The following CHST11 variants were observed in gnomAD, a reference collection of about 807,000 sequenced individuals.
The protein encoded by CHST11 is C4S-1.
CHST11 carries 9 observed loss-of-function variants against 30.4 expected under a neutral mutation model. The ratio of observed to expected loss-of-function variants is 0.30; its 90% CI spans 0.18 to 0.52. CHST11 has a LOEUF of 0.52. Ranked by LOEUF, CHST11 falls within the 20% of genes least tolerant of loss-of-function variation. The pLI, the probability that CHST11 is intolerant of heterozygous loss-of-function variation, is 0.97. For missense variants in CHST11, 348 were observed against 460.6 expected, an observed-to-expected ratio of 0.76 and a Z score of 2.24; for synonymous variants, 152 against 187.8, an observed-to-expected ratio of 0.81 and a Z score of 1.56.
chr12:104,696,482 C>CAAAAAAAAAAAAAAAAAAAA (rs10602668), intron 2 of CHST11, among the ~76,000 whole-genome samples: 2 of 69,140 alleles, frequency 2.9e-5, no homozygotes, highest in Admixed American at 2.1e-4. Context: ...GCTAAAAATA[C>CAAAAAAAAAAAAAAAAAAAA]AAAAAAAAAA....
chr12:104,710,374 C>A (rs1481937099), intron 2 of CHST11, among the ~76,000 whole-genome samples: 6 of 152,180 alleles, frequency 3.9e-5, no homozygotes, highest in Non-Finnish European at 7.3e-5. Context: ...ACATTCCCAG[C>A]AGGCTCTTTT....
chr12:104,665,817 T>C (rs901264793), intron 2 of CHST11, among the ~76,000 whole-genome samples: 3 of 122,796 alleles, frequency 2.4e-5, no homozygotes, highest in Admixed American at 7.9e-5. Flanking sequence ...TGTCTCTTTT[T>C]TTTTTTTTTT....
At position 104,605,141 on chromosome 12, in the gene CHST11, C is replaced by T. The variant is rs528839779; in HGVS notation, c.204+3150C>T. Among the ~76,000 whole-genome samples the T allele has an allele frequency of 8.5e-4, 112 of 131,066 alleles. 1 individual carries two copies. The highest frequency in any genetic ancestry group is 3.2e-3 in the African/African-American group (108 of 33,710). 86.0% of individuals were successfully genotyped at this position (131,066 alleles called of 152,430 possible). A position where few individuals can be genotyped will look rare whatever the true frequency, so the allele number is the denominator to read the frequency against. ...AAAGTTCTCTTGGTGGGAGTTACCC[C>T]ATCCCCTCTCCAAAAAAAAAAAAAA... On this transcript the variant is annotated intron_variant, in intron 2 of 2. Transcript: ENST00000303694.
intron 1 of CHST11, among the ~76,000 whole-genome samples, chr12:104,562,075 C>T (rs1270675153): frequency 2.6e-5 from 4 of 152,100 alleles, no homozygotes; most frequent in Non-Finnish European, 5.9e-5. Flanking sequence ...AGTTTTTCTG[C>T]CCCCACCTTC....
At chr12:104,669,852 T>A (rs1225767973) in intron 2 of CHST11, among the ~76,000 whole-genome samples, 1 of 152,270 alleles carries the variant, frequency 6.6e-6, no homozygotes, top group Non-Finnish European at 1.5e-5. Context: ...CCTGTGAGCC[T>A]GGCTTTTCCG....
At chr12:104,538,804 C>A (rs944233510) in intron 1 of CHST11, among the ~76,000 whole-genome samples, 25 of 152,168 alleles carry the variant, frequency 1.6e-4, no homozygotes, top group African/African-American at 5.8e-4. Context: ...AATTTACTAT[C>A]TTTATTTTGA....
intron 2 of CHST11, among the ~76,000 whole-genome samples, chr12:104,681,857 G>C (rs983572408): frequency 2.5e-5 from 3 of 120,132 alleles, no homozygotes; most frequent in African/African-American, 9.6e-5. Flanking sequence ...TTGAGATGGA[G>C]TCTCGCTCTG....
At chr12:104,465,941 C>T (rs569142911) in intron 1 of CHST11, among the ~76,000 whole-genome samples, 3 of 151,980 alleles carry the variant, frequency 2.0e-5, no homozygotes, top group African/African-American at 7.2e-5. Flanking sequence ...CCGTCTGGCT[C>T]CTCTGCCTCC....
chr12:104,625,676 A>C (rs564349213), intron 2 of CHST11, among the ~76,000 whole-genome samples: 34 of 152,284 alleles, frequency 2.2e-4, no homozygotes, highest in African/African-American at 8.2e-4. Flanking sequence ...AAAAAAGCAA[A>C]ATTTCTGAAC....
chr12:104,666,561 G>A (rs1215830073), intron 2 of CHST11, among the ~76,000 whole-genome samples: 1 of 152,138 alleles, frequency 6.6e-6, no homozygotes, highest in Non-Finnish European at 1.5e-5. Flanking sequence ...TAGAGGGTGC[G>A]ATGATGGAAG....
chr12:104,684,390 G>A (rs1481250140), intron 2 of CHST11, among the ~76,000 whole-genome samples: 2 of 152,124 alleles, frequency 1.3e-5, no homozygotes, highest in African/African-American at 4.8e-5. Context: ...AAAGAGCATT[G>A]GCCTTGAATG....
chr12:104,702,442 G>A (rs2039996700), intron 2 of CHST11, among the ~76,000 whole-genome samples: 1 of 151,828 alleles, frequency 6.6e-6, no homozygotes, highest in Admixed American at 6.6e-5. Flanking sequence ...TGGGAACCTG[G>A]GTGGTCCTGA....
chr12:104,637,591 C>G (rs2039338135), intron 2 of CHST11, among the ~76,000 whole-genome samples: 1 of 152,152 alleles, frequency 6.6e-6, no homozygotes, highest in African/African-American at 2.4e-5. Context: ...TCCTGTTGCA[C>G]TTAGAATAAA....
At chr12:104,656,804 A>AT (rs988762024) in intron 2 of CHST11, among the ~76,000 whole-genome samples, 5 of 151,766 alleles carry the variant, frequency 3.3e-5, no homozygotes, top group Admixed American at 6.6e-5. Flanking sequence ...CCAAATCCTT[A>AT]TTTTTTTTGT....
chr12:104,722,103 C>T (rs1425352775), intron 2 of CHST11, among the ~76,000 whole-genome samples: 1 of 151,800 alleles, frequency 6.6e-6, no homozygotes, highest in Non-Finnish European at 1.5e-5. Flanking sequence ...ATCCGCTCCC[C>T]TCAGTCCCTG....
At chr12:104,521,942 G>A (rs2038077496) in intron 1 of CHST11, among the ~76,000 whole-genome samples, 1 of 152,122 alleles carries the variant, frequency 6.6e-6, no homozygotes, top group Non-Finnish European at 1.5e-5. Flanking sequence ...GTTTGGCCTA[G>A]TTCCTGCTTG....
intron 1 of CHST11, among the ~76,000 whole-genome samples, chr12:104,544,150 G>GAA (rs1565981205): frequency 1.3e-4 from 4 of 31,014 alleles, no homozygotes; most frequent in African/African-American, 3.2e-4. Context: ...AAGAAAGAAA[G>GAA]AAAGAAAGAA....
At chr12:104,464,113 G>C (rs2037435780) in intron 1 of CHST11, among the ~76,000 whole-genome samples, 1 of 150,414 alleles carries the variant, frequency 6.6e-6, no homozygotes, top group African/African-American at 2.5e-5. Context: ...TGTCACCTAG[G>C]CTGGAGTGCA....
chr12:104,545,798 C>T (rs2038340921), intron 1 of CHST11, among the ~76,000 whole-genome samples: 1 of 151,722 alleles, frequency 6.6e-6, no homozygotes, highest in Non-Finnish European at 1.5e-5. Context: ...GGCTGGAGAA[C>T]TCTCTAGGGT....
Sources: gnomAD v4.1 joint callset for allele counts (sites outside exome capture counted in the v4.1 genomes callset) on GRCh38, gnomAD v4.1.1 for gene constraint, MANE v1.5 for transcripts, NCBI Gene and HGNC (gene_info 2026-07-23, HGNC 2026-07-21) for gene names.